ELF4: variants seen among roughly 807,000 people sequenced by gnomAD.
The protein encoded by ELF4 is ETS-related transcription factor Elf-4.
Under a neutral mutation model 31.7 loss-of-function variants are expected in ELF4, and 10 were observed. The ratio of observed to expected loss-of-function variants is 0.32; its 90% CI spans 0.19 to 0.54. ELF4 has a LOEUF of 0.54. ELF4 is among the 20% of genes least tolerant of loss of function. The probability of loss-of-function intolerance (pLI) is 0.95; values close to 1 mark genes in which losing one functional copy is unlikely to be tolerated. For synonymous variants in ELF4, 208 were observed against 226.7 expected (o/e 0.92, Z 0.74); for missense variants, 418 against 522.0 (o/e 0.80, Z 1.94).
chrX:130,077,353 T>G (rs1363660135), intron 2 of ELF4, among the ~76,000 whole-genome samples: 1 of 107,671 alleles, frequency 9.3e-6, no homozygotes, highest in African/African-American at 3.4e-5. Context: ...TGGAGTACAA[T>G]GGCACAATCT....
chrX:130,067,330 G>C lies in ELF4; in HGVS notation c.1383C>G (p.Ala461=). 1 of 1,212,287 alleles carries C rather than the reference G, an allele frequency of 8.2e-7. No homozygotes were observed. The highest frequency in any genetic ancestry group is 1.1e-6 in the Non-Finnish European group (1 of 895,629). The change falls in exon 9 of 9, where the codon GCC becomes GCG. Residue 461 remains alanine, a synonymous_variant. Transcript: ENST00000308167. ...GGAAACTGGCGTTCAGGGGGAAAGA[G>C]GCCTGCAAAGTGAAGGTGTCCTTGA... ...STFKDTFTLQ[A]SFPLNASFQD...
intron 4 of ELF4, 142 bp from the exon 5 acceptor site, chrX:130,072,559 C>A: frequency 1.8e-6 from 1 of 566,205 alleles, no homozygotes; most frequent in Non-Finnish European, 2.9e-6. Flanking sequence ...CCTGAAAATG[C>A]CTCATGTGGC....
At chrX:130,103,782 T>C (rs1933326379) in intron 1 of ELF4, among the ~76,000 whole-genome samples, 1 of 112,326 alleles carries the variant, frequency 8.9e-6, no homozygotes, top group Non-Finnish European at 1.9e-5. Flanking sequence ...AGTGCTTTAC[T>C]CAGGGGTGGT....
intron 2 of ELF4, among the ~76,000 whole-genome samples, chrX:130,079,514 G>A (rs1180176575): frequency 2.7e-5 from 3 of 111,601 alleles, no homozygotes; most frequent in Non-Finnish European, 5.7e-5. Context: ...TGGATGGTTT[G>A]AGGTCTTAAG....
At chrX:130,080,384 A>G (rs113274349) in intron 2 of ELF4, among the ~76,000 whole-genome samples, 30 of 101,232 alleles carry the variant, frequency 3.0e-4, no homozygotes, top group African/African-American at 1.0e-3. Flanking sequence ...AGAACACGCC[A>G]CTGGACTCCA....
intron 2 of ELF4, among the ~76,000 whole-genome samples, chrX:130,080,928 T>C (rs1432664447): frequency 1.8e-5 from 2 of 112,774 alleles, no homozygotes; most frequent in Non-Finnish European, 3.8e-5. Context: ...ATGGTCAGTG[T>C]ACCCCTTATG....
At chrX:130,070,531 T>C (rs1314712316) in intron 7 of ELF4, among the ~76,000 whole-genome samples, 24 of 106,796 alleles carry the variant, frequency 2.2e-4, no homozygotes, top group Non-Finnish European at 3.8e-4. Flanking sequence ...GCCGAGATCG[T>C]GCCACTGCAC....
At chrX:130,109,912 G>T (rs935726153) in intron 1 of ELF4, among the ~76,000 whole-genome samples, 1 of 112,844 alleles carries the variant, frequency 8.9e-6, no homozygotes, top group East Asian at 2.8e-4. Context: ...GCGTGTGTGC[G>T]TGTGACCCTA....
chrX:130,101,995 A>T (rs1215818383), intron 1 of ELF4, among the ~76,000 whole-genome samples: 1 of 110,141 alleles, frequency 9.1e-6, no homozygotes, highest in African/African-American at 3.3e-5. Context: ...TTAAAAAAAA[A>T]TTTAGCTGGG....
chrX:130,080,095 C>A (rs1932873163), intron 2 of ELF4, among the ~76,000 whole-genome samples: 1 of 111,453 alleles, frequency 9.0e-6, no homozygotes, highest in African/African-American at 3.3e-5. Flanking sequence ...CCAGTTGGAT[C>A]GCCTCTTGGT....
At position 130,081,402 on chromosome X, in the gene ELF4, G is replaced by T; in HGVS notation, c.-72C>A. The T allele has an allele frequency of 9.4e-7, 1 of 1,058,323 alleles. No homozygotes were observed. The highest frequency in any genetic ancestry group is 3.0e-5 in the East Asian group (1 of 33,161). The allele number at this position is 1,058,323 out of a possible 1,213,427, so 87.2% of individuals were successfully genotyped here. A position where few individuals can be genotyped will look rare whatever the true frequency, so the allele number is the denominator to read the frequency against. ...AGCTGTGGGGCTTTCTTGATGAAGG[G>T]ACAATACCCAGGTACTTTGGAGCCT... On this transcript the variant is annotated 5_prime_UTR_variant, in exon 2 of 9. Transcript: ENST00000308167.
intron 1 of ELF4, among the ~76,000 whole-genome samples, chrX:130,094,328 G>A (rs1179726786): frequency 5.4e-5 from 6 of 111,080 alleles, no homozygotes; most frequent in Non-Finnish European, 9.4e-5. Flanking sequence ...AGGTTGCAGT[G>A]AGCCGAGATC....
intron 2 of ELF4, among the ~76,000 whole-genome samples, chrX:130,080,157 C>A (rs1271676834): frequency 1.8e-5 from 2 of 111,473 alleles, no homozygotes; most frequent in Non-Finnish European, 1.9e-5. Context: ...CGTGGTGGCT[C>A]ACGCCTGTAA....
intron 1 of ELF4, among the ~76,000 whole-genome samples, chrX:130,096,463 C>T (rs969545102): frequency 5.4e-5 from 6 of 110,870 alleles, no homozygotes; most frequent in African/African-American, 1.6e-4. Flanking sequence ...AGGTGATAGG[C>T]GTCAGCCACC....
chrX:130,102,899 AAAGAAAG>A (rs1933300444), intron 1 of ELF4, among the ~76,000 whole-genome samples: 1 of 103,828 alleles, frequency 9.6e-6, no homozygotes, highest in South Asian at 4.4e-4. Context: ...AGAAAGAAAG[AAAGAAAG>A]AAAGAAAGAA....
At chrX:130,067,831 G>T (rs1216357189) in intron 8 of ELF4, among the ~76,000 whole-genome samples, 6 of 105,343 alleles carry the variant, frequency 5.7e-5, no homozygotes, top group Non-Finnish European at 9.7e-5. Context: ...TTTTTTTTTT[G>T]AGACGGAGTC....
chrX:130,076,884 T>C (rs974535832), intron 2 of ELF4, among the ~76,000 whole-genome samples: 1 of 111,964 alleles, frequency 8.9e-6, no homozygotes, highest in Non-Finnish European at 1.9e-5. Context: ...TCTTTTTTTT[T>C]CCCATGCAAA....
At chrX:130,107,278 A>AAAAAGAAAAGAAAAG (rs746822755) in intron 1 of ELF4, among the ~76,000 whole-genome samples, 1,134 of 110,222 alleles carry the variant, frequency 0.01, 14 homozygotes, top group Middle Eastern at 0.032. Context: ...ACTCCATCTC[A>AAAAAGAAAAGAAAAG]AAAAGAAAAG....
chrX:130,102,053 G>A (rs1052562361), intron 1 of ELF4, among the ~76,000 whole-genome samples: 5 of 111,672 alleles, frequency 4.5e-5, no homozygotes, highest in African/African-American at 1.6e-4. Flanking sequence ...GGCTGAGGCA[G>A]GAGAATTGCT....
Sources: gnomAD v4.1 joint callset for allele counts (sites outside exome capture counted in the v4.1 genomes callset) on GRCh38, gnomAD v4.1.1 for gene constraint, MANE v1.5 for transcripts, NCBI Gene and HGNC (gene_info 2026-07-23, HGNC 2026-07-21) for gene names.